Variants in CD96 observed in about 807,000 individuals in gnomAD.
CD96 encodes CD96 molecule, also known as T-cell surface protein tactile.
Under a neutral mutation model 71.3 loss-of-function variants are expected in CD96, and 70 were observed. The ratio of observed to expected loss-of-function variants is 0.98; its 90% CI spans 0.81 to 1.20. The LOEUF is 1.20. CD96 is among the 50% of genes most tolerant of loss of function. CD96 has a pLI of 0.00. For synonymous variants in CD96, 248 were observed against 233.0 expected, an observed-to-expected ratio of 1.06 and a Z score of -0.59; for missense variants, 742 against 677.5, an observed-to-expected ratio of 1.10 and a Z score of -1.06.
intron 2 of CD96, among the ~76,000 whole-genome samples, chr3:111,555,302 A>G (rs1321044669): frequency 6.6e-6 from 1 of 152,286 alleles, no homozygotes; most frequent in Non-Finnish European, 1.5e-5. Flanking sequence ...ATATTTACTC[A>G]CGTATTTACC....
At position 111,642,636 on chromosome 3, in the gene CD96, G is replaced by A. The variant is rs187164502; in HGVS notation, c.1477+4468G>A. 5.9e-4 allele frequency among the ~76,000 whole-genome samples: 89 copies of A among 151,898 alleles called. 1 individual carries two copies. In the East Asian group the frequency reaches 0.011, roughly 19 times the overall value. On this transcript the variant is annotated intron_variant, in intron 12 of 13. Coordinates refer to ENST00000352690, the MANE Select transcript of CD96 (RefSeq NM_005816.5). ...CGCCTGGCCAAGACAGTGAAAACCC[G>A]TCTCTACTAAAAATACAAAAATCAG...
At position 111,555,118 on chromosome 3, in the gene CD96, T is replaced by C. The variant is rs78551718; in HGVS notation, c.418+9716T>C. Among the ~76,000 whole-genome samples the C allele has an allele frequency of 3.3e-3, 508 of 152,258 alleles. 20 individuals are homozygous for C. The East Asian group carries it at 0.086, about 26-fold the overall frequency. The stretch of plus-strand genomic sequence containing the variant: ...CACACACTGCTCACCTCCTGCTGTG[T>C]GGCCCCATTCCTTAACAGGCCACGG... On this transcript the variant is annotated intron_variant, in intron 2 of 13. Coordinates refer to ENST00000352690, the MANE Select transcript of CD96 (RefSeq NM_005816.5).
chr3:111,642,848 A>T (rs1447433996), intron 12 of CD96, among the ~76,000 whole-genome samples: 7 of 151,886 alleles, frequency 4.6e-5, no homozygotes, highest in Non-Finnish European at 1.0e-4. Flanking sequence ...CCGACAAAAC[A>T]AAGTCCAGGC....
intron 2 of CD96, among the ~76,000 whole-genome samples, chr3:111,549,058 G>C (rs923020580): frequency 6.6e-5 from 10 of 152,170 alleles, no homozygotes; most frequent in African/African-American, 2.4e-4. Context: ...TGAGGAAGTA[G>C]TGTATGAGAG....
rs75825971 is a variant in CD96 at position 111,635,403 on chromosome 3, T to G, written c.1322-1793T>G. ...AAGTGGCTTATGTTTTTTAATTTTT[T>G]AATTATTTTGAGGGGTCTTTTAAAA... On this transcript the variant is annotated intron_variant, in intron 10 of 13. Transcript: ENST00000352690. Among the ~76,000 whole-genome samples the G allele has an allele frequency of 1.0e-2, 1,522 of 152,332 alleles. 33 individuals carry two copies. Among genetic ancestry groups the G allele is most frequent in the African/African-American group, 0.034 (1,425 of 41,576 alleles).
chr3:111,638,028 C>A (rs767464781), intron 11 of CD96, 51 bp from the exon 12 acceptor site: 3 of 969,060 alleles, frequency 3.1e-6, no homozygotes, highest in Non-Finnish European at 5.1e-6. Flanking sequence ...GGTTTTATAC[C>A]ACTTGATCAA....
chr3:111,559,367 A>T (rs2107519723), intron 2 of CD96, among the ~76,000 whole-genome samples: 2 of 105,928 alleles, frequency 1.9e-5, no homozygotes, highest in African/African-American at 7.4e-5. Flanking sequence ...TTCCCTCTAC[A>T]CACTGCTTTG....
At chr3:111,604,544 C>G (rs1476561094) in intron 7 of CD96, among the ~76,000 whole-genome samples, 4 of 152,184 alleles carry the variant, frequency 2.6e-5, no homozygotes, top group Non-Finnish European at 5.9e-5. Flanking sequence ...CCCTCTGTCA[C>G]AAGGCAAAGT....
chr3:111,580,944 T>C (rs1936436543), intron 4 of CD96, among the ~76,000 whole-genome samples: 1 of 152,224 alleles, frequency 6.6e-6, no homozygotes, highest in South Asian at 2.1e-4. Flanking sequence ...TCAATTTTAA[T>C]CTAGGCAAGC....
chr3:111,639,256 T>G (rs1385945203), intron 12 of CD96, among the ~76,000 whole-genome samples: 1 of 152,152 alleles, frequency 6.6e-6, no homozygotes, highest in Non-Finnish European at 1.5e-5. Context: ...GCCCTCCACC[T>G]GGAGACAGAC....
chr3:111,593,494 T>C (rs774508182), intron 5 of CD96: 7 of 1,500,758 alleles, frequency 4.7e-6, no homozygotes, highest in African/African-American at 1.4e-5. Context: ...AAATGGCTCT[T>C]TTCTACAAGT....
chr3:111,625,313 A>G (rs898004701), intron 10 of CD96, among the ~76,000 whole-genome samples: 2 of 152,192 alleles, frequency 1.3e-5, no homozygotes, highest in Admixed American at 6.5e-5. Flanking sequence ...TATTTAATTC[A>G]TGAGACACTT....
intron 10 of CD96, among the ~76,000 whole-genome samples, chr3:111,626,668 T>A (rs1007168865): frequency 5.3e-5 from 8 of 152,154 alleles, no homozygotes; most frequent in African/African-American, 1.9e-4. Flanking sequence ...GCAAAAACTT[T>A]AAGTAATCTA....
intron 7 of CD96, among the ~76,000 whole-genome samples, chr3:111,601,910 C>G (rs1298276772): frequency 1.3e-5 from 2 of 152,194 alleles, no homozygotes; most frequent in Non-Finnish European, 2.9e-5. Context: ...TACTCAGAAG[C>G]AGGTGTGATT....
rs35004472 is a variant in CD96 at position 111,618,582 on chromosome 3, C to CTT, written c.1181-5153_1181-5152dup. Reference sequence around the variant, plus strand: ...AAACAATGACCAAATTTATTTCTCTCTTTTTTTTTTTTTTTTTTTTGAGAC... The same window carrying CTT: ...AAACAATGACCAAATTTATTTCTCTCTTTTTTTTTTTTTTTTTTTTTTGAGAC... On this transcript the variant is annotated intron_variant, in intron 8 of 13. Transcript: ENST00000352690. 5.4e-3 allele frequency among the ~76,000 whole-genome samples: 674 copies of CTT among 123,882 alleles called. 10 individuals carry two copies. Among genetic ancestry groups the CTT allele is most frequent in the African/African-American group, 0.013 (400 of 31,860 alleles). 81.3% of individuals were successfully genotyped at this position (123,882 alleles called of 152,430 possible).
intron 5 of CD96, among the ~76,000 whole-genome samples, chr3:111,596,033 A>G (rs1937241271): frequency 6.6e-6 from 1 of 151,906 alleles, no homozygotes; most frequent in Admixed American, 6.6e-5. Flanking sequence ...GTGGTGGTGC[A>G]CGCCTGTAAT....
intron 5 of CD96, among the ~76,000 whole-genome samples, chr3:111,590,112 AT>A (rs1227270069): frequency 1.3e-5 from 2 of 152,064 alleles, no homozygotes; most frequent in African/African-American, 2.4e-5. Context: ...CTGTGGAATA[AT>A]TTTTTTTAAC....
At chr3:111,626,167 G>A (rs1286126897) in intron 10 of CD96, among the ~76,000 whole-genome samples, 2 of 151,960 alleles carry the variant, frequency 1.3e-5, no homozygotes, top group African/African-American at 4.8e-5. Context: ...CAGGCGTGGT[G>A]GTGGGCACCT....
At chr3:111,627,681 G>A (rs2107724042) in intron 10 of CD96, among the ~76,000 whole-genome samples, 1 of 152,314 alleles carries the variant, frequency 6.6e-6, no homozygotes, top group East Asian at 1.9e-4. Flanking sequence ...GCAGGTCCCT[G>A]ATTCCATTCC....
Sources: gnomAD v4.1 joint callset for allele counts (sites outside exome capture counted in the v4.1 genomes callset) on GRCh38, gnomAD v4.1.1 for gene constraint, MANE v1.5 for transcripts, NCBI Gene and HGNC (gene_info 2026-07-23, HGNC 2026-07-21) for gene names.